The following THSD7A variants were observed in gnomAD, a reference collection of about 807,000 sequenced individuals.
THSD7A encodes the protein thrombospondin type 1 domain containing 7A, also known as thrombospondin type-1 domain-containing protein 7A.
THSD7A carries 96 observed loss-of-function variants against 231.3 expected under a neutral mutation model. The observed-to-expected ratio is 0.41, with a 90% CI of 0.35 to 0.49. The LOEUF (loss-of-function observed/expected upper bound fraction) is 0.49, where lower values mean the gene tolerates loss of function less well. Ranked by LOEUF, THSD7A falls within the 20% of genes least tolerant of loss-of-function variation. THSD7A has a pLI of 0.05. For synonymous variants in THSD7A, 940 were observed against 743.3 expected (o/e 1.26, Z -4.30); for missense variants, 2,290 against 2,070.2 (o/e 1.11, Z -2.06).
chr7:11,611,580 A>T lies in THSD7A; in HGVS notation c.1023-18078T>A, dbSNP rs536344208. 3.9e-5 allele frequency among the ~76,000 whole-genome samples: 6 copies of T among 152,054 alleles called. No individual in the cohort carries two copies. In the South Asian group the frequency reaches 1.2e-3, roughly 32 times the overall value. Reference sequence around the variant, plus strand: ...GATTTAATGGTTTGTTAGGCATTAAACATCATTATTTGTCCAGAAAAGCTA... The same window carrying T: ...GATTTAATGGTTTGTTAGGCATTAATCATCATTATTTGTCCAGAAAAGCTA... On this transcript the variant is annotated intron_variant, in intron 2 of 27. Coordinates refer to ENST00000423059, the MANE Select transcript of THSD7A (RefSeq NM_015204.3).
intron 2 of THSD7A, among the ~76,000 whole-genome samples, chr7:11,626,303 G>A (rs1781470922): frequency 6.6e-6 from 1 of 151,940 alleles, no homozygotes; most frequent in Admixed American, 6.6e-5. Flanking sequence ...ATAATAAAAG[G>A]AGCAGAAAGA....
At chr7:11,408,568 T>TAA (rs910675983) in intron 19 of THSD7A, among the ~76,000 whole-genome samples, 10 of 151,860 alleles carry the variant, frequency 6.6e-5, no homozygotes, top group African/African-American at 2.2e-4. Flanking sequence ...TAGGAGAATA[T>TAA]AAGTTTTTAA....
chr7:11,425,046 C>A (rs1784274001), intron 15 of THSD7A, among the ~76,000 whole-genome samples: 1 of 152,170 alleles, frequency 6.6e-6, no homozygotes, highest in African/African-American at 2.4e-5. Context: ...TATTACATTG[C>A]AGGTGTAAAT....
At chr7:11,402,182 G>A (rs1783429655) in intron 22 of THSD7A, among the ~76,000 whole-genome samples, 1 of 152,178 alleles carries the variant, frequency 6.6e-6, no homozygotes, top group Non-Finnish European at 1.5e-5. Context: ...ACTGGTCTAT[G>A]TGTTGCTTAA....
At chr7:11,382,297 C>T (rs905375912) in intron 24 of THSD7A, among the ~76,000 whole-genome samples, 4 of 152,068 alleles carry the variant, frequency 2.6e-5, no homozygotes, top group Admixed American at 6.6e-5. Context: ...TAAGTTTCAG[C>T]AGCAATACCT....
rs1783575531 is a variant in THSD7A at position 11,406,199 on chromosome 7, A to T, written c.4237+101T>A. On this transcript the variant is annotated intron_variant, in intron 22 of 27. Transcript: ENST00000423059. The surrounding 1 kb of genome is among the most constrained non-coding windows in gnomAD (Gnocchi z 4.7). ...GGCATAGATATTACTGAATAAGAAG[A>T]CTGTTGACATCCTGTAACTTATACT... The T allele has an allele frequency of 8.4e-7, 1 of 1,185,470 alleles. No homozygotes were observed. The highest frequency in any genetic ancestry group is 1.5e-5 in the African/African-American group (1 of 65,076). 73.4% of individuals were successfully genotyped at this position (1,185,470 alleles called of 1,614,324 possible). A position where few individuals can be genotyped will look rare whatever the true frequency, so the allele number is the denominator to read the frequency against.
intron 6 of THSD7A, among the ~76,000 whole-genome samples, chr7:11,482,597 A>C (rs1003829277): frequency 6.6e-6 from 1 of 152,242 alleles, no homozygotes; most frequent in African/African-American, 2.4e-5. Context: ...GAGGGAAACA[A>C]TAGAAAACAA....
intron 2 of THSD7A, among the ~76,000 whole-genome samples, chr7:11,626,740 C>G (rs1250647720): frequency 6.6e-6 from 1 of 151,868 alleles, no homozygotes; most frequent in African/African-American, 2.4e-5. Flanking sequence ...TTCTCAGAGA[C>G]TATTGGAATA....
chr7:11,412,764 C>G lies in THSD7A; in HGVS notation c.3574G>C (p.Asp1192His). 6.2e-7 allele frequency: 1 copy of G among 1,613,376 alleles called. No homozygotes were observed. Among genetic ancestry groups the G allele is most frequent in the Non-Finnish European group, 8.5e-7 (1 of 1,179,594 alleles). Residue 1192 changes from aspartate (D) to histidine (H), a missense_variant, in exon 18 of 28, where the codon GAT (aspartate) becomes CAT (histidine). Physicochemically the swap from Asp to His is moderately conservative, Grantham distance 81. Coordinates refer to ENST00000423059, the MANE Select transcript of THSD7A (RefSeq NM_015204.3). ...NQSSFRQRSA[D>H]PIRQPADEGR... Reference sequence around the variant, plus strand: ...TCATCAGCTGGTTGTCTGATGGGATCAGCTGACCTTTGCCGGAAACTGCTT... The same window carrying G: ...TCATCAGCTGGTTGTCTGATGGGATGAGCTGACCTTTGCCGGAAACTGCTT...
chr7:11,668,527 CAGAAAGAA>C (rs1047096226), intron 1 of THSD7A, among the ~76,000 whole-genome samples: 2 of 110,978 alleles, frequency 1.8e-5, no homozygotes, highest in Non-Finnish European at 1.9e-5. Flanking sequence ...AAAAGAAAGA[CAGAAAGAA>C]AGAAAGAGAA....
intron 1 of THSD7A, among the ~76,000 whole-genome samples, chr7:11,773,184 A>C (rs1203089304): frequency 2.0e-5 from 3 of 152,196 alleles, no homozygotes; most frequent in Non-Finnish European, 2.9e-5. Flanking sequence ...AAAAATGCAT[A>C]TTTATGGAAT....
chr7:11,530,724 T>C (rs965410648), intron 6 of THSD7A, among the ~76,000 whole-genome samples: 1 of 152,100 alleles, frequency 6.6e-6, no homozygotes, highest in African/African-American at 2.4e-5. Flanking sequence ...AGTAAAAAAC[T>C]TCTGCCCAGG....
chr7:11,382,576 C>T lies in THSD7A; in HGVS notation c.4452G>A (p.Trp1484Ter). Reference protein sequence around the residue: ...CYEYKWMASAWKGSSRTVWCQ... With the variant: ...CYEYKWMASA ...ACCACACTGTTCGGGAAGAGCCCTT[C>T]CAAGCACTGGCCATCCATTTATATT... Residue 1484 changes from tryptophan (W) to a stop codon, truncating the protein, a stop_gained, in exon 24 of 28, where the codon TGG becomes TGA. Coordinates refer to ENST00000423059, the MANE Select transcript of THSD7A (RefSeq NM_015204.3). LOFTEE classifies it high-confidence loss of function. The T allele has an allele frequency of 6.2e-7, 1 of 1,612,942 alleles. No homozygotes were observed. The highest frequency in any genetic ancestry group is 8.5e-7 in the Non-Finnish European group (1 of 1,179,250).
intron 4 of THSD7A, among the ~76,000 whole-genome samples, chr7:11,569,155 A>C (rs1384622094): frequency 1.3e-5 from 2 of 152,184 alleles, no homozygotes; most frequent in African/African-American, 2.4e-5. Context: ...AAGACTTCAA[A>C]AGCACAGGTA....
chr7:11,543,730 A>T (rs537605609), intron 4 of THSD7A, among the ~76,000 whole-genome samples: 1 of 152,352 alleles, frequency 6.6e-6, no homozygotes, highest in South Asian at 2.1e-4. Flanking sequence ...TCTAGTAATC[A>T]CTAAGGATGC....
chr7:11,529,070 G>C (rs1298129545), intron 6 of THSD7A, among the ~76,000 whole-genome samples: 3 of 152,010 alleles, frequency 2.0e-5, no homozygotes, highest in African/African-American at 7.2e-5. Context: ...ATTCAGTATA[G>C]TTCTTATGTT....
rs558325425 is a variant in THSD7A, at chr7:11,622,214, T to A, written c.1022+13916A>T. 3.3e-5 allele frequency among the ~76,000 whole-genome samples: 5 copies of A among 152,238 alleles called. No individual in the cohort carries two copies. In the East Asian group the frequency reaches 9.6e-4, roughly 29 times the overall value. On this transcript the variant is annotated intron_variant, in intron 2 of 27. Transcript: ENST00000423059. ...TTATTTTAATTTTCCAAATTGTACATACATCACATATAGATTTTTCCTCAT... is the reference window on the plus strand; with the variant it reads ...TTATTTTAATTTTCCAAATTGTACAAACATCACATATAGATTTTTCCTCAT...
chr7:11,426,642 A>G (rs1292595685), intron 15 of THSD7A, 24 bp downstream of exon 15: 1 of 1,544,960 alleles, frequency 6.5e-7, no homozygotes, highest in Non-Finnish European at 8.7e-7. Flanking sequence ...TCTATCAAAA[A>G]GCATGAGGTT....
chr7:11,669,381 G>A (rs562234443), intron 1 of THSD7A, among the ~76,000 whole-genome samples: 1 of 151,874 alleles, frequency 6.6e-6, no homozygotes, highest in South Asian at 2.1e-4. Flanking sequence ...TACACCATGT[G>A]CTAGAGAAAC....
Sources: allele counts gnomAD v4.1 joint callset (sites outside exome capture counted in the v4.1 genomes callset), GRCh38; gene constraint gnomAD v4.1.1; non-coding constraint Gnocchi (gnomAD v3.1); transcripts MANE v1.5; gene names NCBI Gene and HGNC (gene_info 2026-07-23, HGNC 2026-07-21).